FSTL4: variants seen among roughly 807,000 people sequenced by gnomAD.
FSTL4 encodes the protein follistatin like 4.
In FSTL4, 28 loss-of-function variants were observed where a neutral mutation model predicts 78.2. That is an observed-to-expected ratio of 0.36 (90% CI 0.27 to 0.49). The LOEUF is 0.49. Ranked by LOEUF, FSTL4 falls within the 20% of genes least tolerant of loss-of-function variation. The pLI is 0.98. For synonymous variants in FSTL4, 422 were observed against 440.5 expected (o/e 0.96, Z 0.53); for missense variants, 922 against 1,084.9 (o/e 0.85, Z 2.11).
At chr5:133,801,449 T>C in the FSTL4 span, among the ~76,000 whole-genome samples, 2 of 152,202 alleles carry the variant, frequency 1.3e-5, no homozygotes, top group Non-Finnish European at 1.5e-5. Context: ...ATTCCATCCA[T>C]GAGACCAGTT....
At chr5:133,412,934 A>G (rs906134665) in intron 3 of FSTL4, among the ~76,000 whole-genome samples, 2 of 152,120 alleles carry the variant, frequency 1.3e-5, no homozygotes, top group Non-Finnish European at 2.9e-5. Context: ...ACCCCCACAT[A>G]AACATGTTAT....
chr5:133,500,604 C>T (rs557274621), intron 3 of FSTL4, among the ~76,000 whole-genome samples: 6 of 152,134 alleles, frequency 3.9e-5, no homozygotes, highest in Non-Finnish European at 8.8e-5. Flanking sequence ...AATCAACACA[C>T]ATACCCACAA....
intron 3 of FSTL4, among the ~76,000 whole-genome samples, chr5:133,411,127 A>G (rs1295999621): frequency 6.6e-6 from 1 of 152,138 alleles, no homozygotes; most frequent in African/African-American, 2.4e-5. Context: ...AGGGTCAGCA[A>G]TTGCCCTATC....
At chr5:133,433,418 AT>A (rs1190117585) in intron 3 of FSTL4, among the ~76,000 whole-genome samples, 3 of 152,130 alleles carry the variant, frequency 2.0e-5, no homozygotes, top group Non-Finnish European at 4.4e-5. Context: ...AAAGTATTTG[AT>A]TTTTTTGAGC....
rs1372420400 is a variant in FSTL4, at chr5:133,236,656, G to A, written c.895-3119C>T. ...TCACGCCCCTCATACTCAGAGCCTT[G>A]TTTGCTGGGGGCCAGCCCCTCTCAG... On this transcript the variant is annotated intron_variant, in intron 7 of 15. Coordinates refer to ENST00000265342, the MANE Select transcript of FSTL4 (RefSeq NM_015082.2). The surrounding 1 kb of genome is among the most constrained non-coding windows in gnomAD (Gnocchi z 5.0). 6.6e-6 allele frequency among the ~76,000 whole-genome samples: 1 copy of A among 152,170 alleles called. No homozygotes were observed. Among genetic ancestry groups the A allele is most frequent in the Non-Finnish European group, 1.5e-5 (1 of 68,026 alleles).
At chr5:133,221,051 G>GC in intron 11 of FSTL4, 185 bp from the exon 12 acceptor site, 4 of 689,258 alleles carry the variant, frequency 5.8e-6, no homozygotes, top group Admixed American at 2.0e-5. Context: ...TGCAGAGAGG[G>GC]CCCCCCAGGA....
the FSTL4 span, among the ~76,000 whole-genome samples, chr5:133,624,469 G>A: frequency 6.6e-6 from 1 of 151,908 alleles, no homozygotes; most frequent in African/African-American, 2.4e-5. Context: ...AAGGTATGGG[G>A]TTTTATTTTG....
At chr5:133,274,811 A>C (rs998199223) in intron 6 of FSTL4, among the ~76,000 whole-genome samples, 3 of 152,204 alleles carry the variant, frequency 2.0e-5, no homozygotes, top group Non-Finnish European at 4.4e-5. Context: ...CATCACAAAG[A>C]ATCTGTACTT....
the FSTL4 span, among the ~76,000 whole-genome samples, chr5:133,818,950 C>T: frequency 0.024 from 268 of 11,270 alleles, 2 homozygotes; most frequent in Middle Eastern, 0.056. Context: ...TATATATGTA[C>T]ACACACACAC....
At chr5:133,358,757 A>C (rs1039183324) in intron 4 of FSTL4, among the ~76,000 whole-genome samples, 2 of 151,192 alleles carry the variant, frequency 1.3e-5, no homozygotes, top group Non-Finnish European at 3.0e-5. Flanking sequence ...CCGCCACCAC[A>C]CCCAGCTAAT....
chr5:133,226,967 A>G (rs1289443619), intron 8 of FSTL4, among the ~76,000 whole-genome samples: 1 of 152,216 alleles, frequency 6.6e-6, no homozygotes, highest in Admixed American at 6.5e-5. Context: ...CCTGTGAGAA[A>G]TGAACTCTGT....
chr5:133,661,842 GTTTAA>G, the FSTL4 span, among the ~76,000 whole-genome samples: 52 of 152,220 alleles, frequency 3.4e-4, no homozygotes, highest in Admixed American at 1.3e-3. Context: ...TCCTTAATTG[GTTTAA>G]TTTAAGAATC....
In FSTL4 at chr5:133,612,382, G is replaced by C. The variant is rs1186730416; in HGVS notation, c.-68C>G. 7.0e-6 allele frequency: 1 copy of C among 142,270 alleles called. No individual in the cohort carries two copies. The highest frequency in any genetic ancestry group is 2.5e-5 in the African/African-American group (1 of 39,848). 8.8% of individuals were successfully genotyped at this position (142,270 alleles called of 1,614,324 possible). A position where few individuals can be genotyped will look rare whatever the true frequency, so the allele number is the denominator to read the frequency against. The stretch of plus-strand genomic sequence containing the variant: ...TGGCCGGACTTGGGCGGGAGGGAGG[G>C]AGCACCCCGTGGCGGCGGCGGCGAC... On this transcript the variant is annotated 5_prime_UTR_variant, in exon 1 of 16. Coordinates refer to ENST00000265342, the MANE Select transcript of FSTL4 (RefSeq NM_015082.2). This position sits in a 1 kb window ranked among gnomAD's most constrained non-coding sequence, Gnocchi z 6.2.
At chr5:133,735,383 G>A in the FSTL4 span, among the ~76,000 whole-genome samples, 1 of 152,132 alleles carries the variant, frequency 6.6e-6, no homozygotes, top group African/African-American at 2.4e-5. Context: ...AAAATCACTT[G>A]AACCAGGGAG....
intron 3 of FSTL4, among the ~76,000 whole-genome samples, chr5:133,513,434 G>C (rs1008176547): frequency 8.5e-5 from 13 of 152,190 alleles, no homozygotes; most frequent in African/African-American, 3.1e-4. Context: ...TAAGAGCAGA[G>C]ACCCCAGCAG....
At chr5:133,761,189 T>C in the FSTL4 span, among the ~76,000 whole-genome samples, 1 of 152,240 alleles carries the variant, frequency 6.6e-6, no homozygotes, top group Non-Finnish European at 1.5e-5. Flanking sequence ...TAGAAAATAC[T>C]ATTTGCTCAA....
chr5:133,795,896 C>G, the FSTL4 span, among the ~76,000 whole-genome samples: 2 of 152,210 alleles, frequency 1.3e-5, no homozygotes, highest in Non-Finnish European at 2.9e-5. Context: ...AGTGTGAATC[C>G]AGGCCTGCGT....
intron 3 of FSTL4, among the ~76,000 whole-genome samples, chr5:133,513,574 A>G (rs916528534): frequency 6.6e-6 from 1 of 152,198 alleles, no homozygotes; most frequent in South Asian, 2.1e-4. Context: ...TCCAATTCCA[A>G]TTCTATGGAA....
intron 3 of FSTL4, among the ~76,000 whole-genome samples, chr5:133,464,224 T>A (rs1419161322): frequency 1.3e-5 from 2 of 152,210 alleles, no homozygotes; most frequent in Non-Finnish European, 2.9e-5. Context: ...CTTTGCTCTA[T>A]CTGAGCGCAA....
Sources: gnomAD v4.1 joint callset for allele counts (sites outside exome capture counted in the v4.1 genomes callset) on GRCh38, gnomAD v4.1.1 for gene constraint, Gnocchi (gnomAD v3.1) non-coding constraint, MANE v1.5 for transcripts, NCBI Gene and HGNC (gene_info 2026-07-23, HGNC 2026-07-21) for gene names.